LARS1: variants seen among roughly 807,000 people sequenced by gnomAD.
LARS1 encodes leucyl-tRNA synthetase 1.
LARS1 carries 100 observed loss-of-function variants against 162.8 expected under a neutral mutation model. The ratio of observed to expected loss-of-function variants is 0.61; its 90% CI spans 0.52 to 0.73. LARS1 has a LOEUF of 0.73. Ranked by LOEUF, LARS1 falls within the 30% of genes least tolerant of loss-of-function variation. The pLI, the probability that LARS1 is intolerant of heterozygous loss-of-function variation, is 0.00. For missense variants in LARS1, 1,258 were observed against 1,408.9 expected, an observed-to-expected ratio of 0.89 and a Z score of 1.71; for synonymous variants, 457 against 462.8, an observed-to-expected ratio of 0.99 and a Z score of 0.16.
intron 28 of LARS1, among the ~76,000 whole-genome samples, chr5:146,124,747 C>T (rs1250950647): frequency 2.6e-5 from 4 of 151,776 alleles, no homozygotes; most frequent in Admixed American, 1.3e-4. Context: ...TGAAAGTGAC[C>T]TGATATTATT....
rs535653673 is a variant in LARS1 at position 146,167,549 on chromosome 5, G to A, written c.432+579C>T. Among the ~76,000 whole-genome samples, 347 of 152,136 alleles carry A rather than the reference G, an allele frequency of 2.3e-3. 3 individuals are homozygous for A. Among genetic ancestry groups the A allele is most frequent in the African/African-American group, 7.8e-3 (325 of 41,516 alleles). On this transcript the variant is annotated intron_variant, in intron 5 of 31. Coordinates refer to ENST00000394434, the MANE Select transcript of LARS1 (RefSeq NM_020117.11). ...CTCCCGAGTAGCTGGGAATACAGGCGCCCACCACCACGCCCGGCTAATTTT... is the reference window on the plus strand; with the variant it reads ...CTCCCGAGTAGCTGGGAATACAGGCACCCACCACCACGCCCGGCTAATTTT...
chr5:146,144,785 T>A (rs1752941616), intron 15 of LARS1, 76 bp from the exon 16 acceptor site: 3 of 1,325,464 alleles, frequency 2.3e-6, no homozygotes, highest in Admixed American at 1.9e-5. Context: ...AAAATTACTT[T>A]AAAAAAATGC....
At chr5:146,175,596 T>C (rs1754524101) in intron 2 of LARS1, among the ~76,000 whole-genome samples, 2 of 150,390 alleles carry the variant, frequency 1.3e-5, no homozygotes, top group South Asian at 4.2e-4. Context: ...TCCCAGCACT[T>C]TGGAAGGCCG....
chr5:146,116,263 G>A (rs567830293), intron 31 of LARS1, among the ~76,000 whole-genome samples: 1 of 152,262 alleles, frequency 6.6e-6, no homozygotes, highest in East Asian at 1.9e-4. Flanking sequence ...CACATCAGTG[G>A]TACCAAATAT....
chr5:146,148,798 G>A lies in LARS1; in HGVS notation c.1503+824C>T, dbSNP rs111991685. Among the ~76,000 whole-genome samples the A allele has an allele frequency of 1.9e-4, 29 of 152,126 alleles. 1 individual carries two copies. The highest frequency in any genetic ancestry group is 6.0e-4 in the African/African-American group (25 of 41,506). Reference sequence around the variant, plus strand: ...GATCTGTTAGAGATGGAGATTAGCCGGGCATGGTGGCTCATGCCTGTAATC... The same window carrying A: ...GATCTGTTAGAGATGGAGATTAGCCAGGCATGGTGGCTCATGCCTGTAATC... On this transcript the variant is annotated intron_variant, in intron 15 of 31. Transcript: ENST00000394434.
rs546251705 is a variant in LARS1, at chr5:146,177,852, C to T, written c.7-187G>A. The stretch of plus-strand genomic sequence containing the variant: ...CGGTGGCTCATGCGTGTAATCCCAG[C>T]ACTTTGGGAGGCCGAGGCGGGTGGA... On this transcript the variant is annotated intron_variant, in intron 1 of 31. Coordinates refer to ENST00000394434, the MANE Select transcript of LARS1 (RefSeq NM_020117.11). Among the ~76,000 whole-genome samples, 21 of 152,140 alleles carry T rather than the reference C, an allele frequency of 1.4e-4. No homozygotes were observed. The East Asian group carries it at 3.7e-3, about 27-fold the overall frequency.
intron 27 of LARS1, among the ~76,000 whole-genome samples, chr5:146,127,370 A>G (rs1004544338): frequency 1.3e-5 from 2 of 152,122 alleles, no homozygotes; most frequent in African/African-American, 4.8e-5. Context: ...AAATGGTGCC[A>G]CATTCAACAT....
chr5:146,128,839 G>C, intron 26 of LARS1, 57 bp from the exon 27 acceptor site: 2 of 1,493,264 alleles, frequency 1.3e-6, no homozygotes, highest in Non-Finnish European at 1.8e-6. Context: ...CCAAAAATGA[G>C]AAGAACCCTC....
intron 27 of LARS1, among the ~76,000 whole-genome samples, chr5:146,126,836 G>C (rs1752072637): frequency 6.6e-6 from 1 of 151,970 alleles, no homozygotes; most frequent in African/African-American, 2.4e-5. Flanking sequence ...ATAAAAACTT[G>C]TTTTCAAATT....
At chr5:146,127,872 G>A (rs1752109153) in intron 27 of LARS1, among the ~76,000 whole-genome samples, 1 of 152,106 alleles carries the variant, frequency 6.6e-6, no homozygotes, top group Non-Finnish European at 1.5e-5. Context: ...TATGAAAAGT[G>A]TTGAGGCAAA....
chr5:146,114,384 A>C (rs1764107476), intron 31 of LARS1, 73 bp from the exon 32 acceptor site: 2 of 1,209,910 alleles, frequency 1.7e-6, no homozygotes, highest in Non-Finnish European at 2.4e-6. Flanking sequence ...CTGAGAACTC[A>C]CGTTTTAAAT....
At chr5:146,132,489 C>G (rs1255144852) in intron 23 of LARS1, 1 of 156,520 alleles carries the variant, frequency 6.4e-6, no homozygotes, top group African/African-American at 2.4e-5. Flanking sequence ...TTTTAATCTA[C>G]TTTTCCTTTA....
At position 146,128,748 on chromosome 5, in the gene LARS1, T is replaced by C. The variant is rs1227965238; in HGVS notation, c.2804A>G (p.His935Arg). The C allele has an allele frequency of 1.2e-6, 2 of 1,602,452 alleles. No individual in the cohort carries two copies. Among genetic ancestry groups the C allele is most frequent in the East Asian group, 4.5e-5 (2 of 44,780 alleles). ...TDKQPLQKPS[H>R]CTIYVAKNYP... ...GTTCTTTGCCACATAGATGGTGCAA[T>C]GTGAGGGCTTCTGCAGGGGTTGTTT... The change falls in exon 27 of 32, where the codon CAT becomes CGT. Residue 935 changes from histidine to arginine, a missense_variant. His to Arg is a conservative substitution (Grantham distance 29). Coordinates refer to ENST00000394434, the MANE Select transcript of LARS1 (RefSeq NM_020117.11).
chr5:146,167,150 G>A (rs1212885445), intron 5 of LARS1, among the ~76,000 whole-genome samples: 1 of 152,136 alleles, frequency 6.6e-6, no homozygotes, highest in Non-Finnish European at 1.5e-5. Flanking sequence ...ACATAGTAAG[G>A]ACACATGACA....
chr5:146,128,808 A>T lies in LARS1; in HGVS notation c.2770-26T>A, dbSNP rs1338485533. 2.5e-6 allele frequency: 4 copies of T among 1,578,302 alleles called. No homozygotes were observed. In the Admixed American group the frequency reaches 7.4e-5, roughly 29 times the overall value. On this transcript the variant is annotated intron_variant, in intron 26 of 31. Coordinates refer to ENST00000394434, the MANE Select transcript of LARS1 (RefSeq NM_020117.11). Reference sequence around the variant, plus strand: ...CTAGACGGTAAAAGAAAGGAAAAACATTCAATAGCTTTTATATAAACCAAA... The same window carrying T: ...CTAGACGGTAAAAGAAAGGAAAAACTTTCAATAGCTTTTATATAAACCAAA...
chr5:146,157,904 A>C, intron 8 of LARS1, 109 bp from the exon 9 acceptor site: 1 of 1,065,092 alleles, frequency 9.4e-7, no homozygotes. Flanking sequence ...TTCTTGCATT[A>C]TTAATTTTTT....
intron 2 of LARS1, among the ~76,000 whole-genome samples, chr5:146,175,890 T>C (rs1382371473): frequency 6.6e-6 from 1 of 151,310 alleles, no homozygotes; most frequent in African/African-American, 2.4e-5. Context: ...TGATGGCTCA[T>C]GTCTTATAAT....
chr5:146,174,512 A>G (rs2963910), intron 2 of LARS1, among the ~76,000 whole-genome samples: 6,907 of 18,058 alleles, frequency 0.38, 1,124 homozygotes, highest in East Asian at 0.68. Context: ...ATATATATAT[A>G]TATATATCCA....
At chr5:146,137,681 C>A in intron 21 of LARS1, 3 of 202,782 alleles carry the variant, frequency 1.5e-5, no homozygotes, top group South Asian at 5.8e-5. Flanking sequence ...TCTCAACTTA[C>A]TAAGAAAAAT....
Sources: gnomAD v4.1 joint callset for allele counts (sites outside exome capture counted in the v4.1 genomes callset) on GRCh38, gnomAD v4.1.1 for gene constraint, MANE v1.5 for transcripts, NCBI Gene and HGNC (gene_info 2026-07-23, HGNC 2026-07-21) for gene names.